Variants in DMXL2 observed in about 807,000 individuals in gnomAD.
DMXL2 encodes Dmx like 2.
DMXL2 carries 103 observed loss-of-function variants against 331.1 expected under a neutral mutation model. That is an observed-to-expected ratio of 0.31 (90% CI 0.27 to 0.37). The LOEUF (loss-of-function observed/expected upper bound fraction) is 0.37, where lower values mean the gene tolerates loss of function less well. Ranked by LOEUF, DMXL2 falls within the 10% of genes least tolerant of loss-of-function variation. The probability of loss-of-function intolerance (pLI) is 1.00; values close to 1 mark genes in which losing one functional copy is unlikely to be tolerated. For missense variants in DMXL2, 3,171 were observed against 3,642.9 expected (o/e 0.87, Z 3.33); for synonymous variants, 1,281 against 1,252.1 (o/e 1.02, Z -0.49).
intron 1 of DMXL2, among the ~76,000 whole-genome samples, chr15:51,599,672 T>C (rs2053088835): frequency 6.6e-6 from 1 of 152,170 alleles, no homozygotes; most frequent in Non-Finnish European, 1.5e-5. Flanking sequence ...TCTAATGCAA[T>C]TATATTGACA....
In DMXL2 at chr15:51,491,562, A is replaced by G. The variant is rs769663750; in HGVS notation, c.4953+16T>C. The stretch of plus-strand genomic sequence containing the variant: ...GTTTTTTTAATATAACTCAAAATCC[A>G]CTAAAGAAAAGTTACCTTTTCAATG... On this transcript the variant is annotated intron_variant, in intron 20 of 43. Transcript: ENST00000560891. The G allele has an allele frequency of 3.2e-6, 5 of 1,579,244 alleles. No homozygotes were observed. Among genetic ancestry groups the G allele is most frequent in the Admixed American group, 2.0e-5 (1 of 49,830 alleles).
chr15:51,578,131 CTCTT>C (rs965709655), intron 1 of DMXL2, among the ~76,000 whole-genome samples: 13 of 152,184 alleles, frequency 8.5e-5, no homozygotes, highest in Admixed American at 3.3e-4. Context: ...GGATCACTCT[CTCTT>C]TATCTTTGCA....
At chr15:51,507,629 CAGA>C (rs2046487216) in intron 15 of DMXL2, among the ~76,000 whole-genome samples, 1 of 151,966 alleles carries the variant, frequency 6.6e-6, no homozygotes, top group African/African-American at 2.4e-5. Flanking sequence ...AAAGCAGCAG[CAGA>C]AGAATGGGAG....
At chr15:51,451,502 T>C (rs139908622) in intron 42 of DMXL2, 143 bp downstream of exon 42, 166 of 650,520 alleles carry the variant, frequency 2.6e-4, no homozygotes, top group Middle Eastern at 1.3e-3. Context: ...TCCAAATTTT[T>C]AGTCATTCAT....
At chr15:51,466,060 TG>T in intron 30 of DMXL2, 123 bp downstream of exon 30, 2 of 882,202 alleles carry the variant, frequency 2.3e-6, no homozygotes, top group Non-Finnish European at 3.3e-6. Flanking sequence ...ATTTGTAACC[TG>T]GAAACATAAG....
chr15:51,460,474 T>A, intron 33 of DMXL2: 1 of 607,526 alleles, frequency 1.6e-6, no homozygotes, highest in Non-Finnish European at 2.1e-6. Context: ...CTATTTGTCT[T>A]AACTAGCTGA....
In DMXL2 at chr15:51,447,981, C is replaced by T. The variant is rs999091381; in HGVS notation, c.*1003G>A. 5 of 152,590 alleles carry T rather than the reference C, an allele frequency of 3.3e-5. No individual in the cohort carries two copies. The highest frequency in any genetic ancestry group is 9.7e-5 in the African/African-American group (4 of 41,428). 9.5% of individuals were successfully genotyped at this position (152,590 alleles called of 1,614,324 possible). A position where few individuals can be genotyped will look rare whatever the true frequency, so the allele number is the denominator to read the frequency against. Reference sequence around the variant, plus strand: ...ACAGACATTAGTTTCAGTATCTCAACATATTTTTGGTCATAACCAAGGAAA... The same window carrying T: ...ACAGACATTAGTTTCAGTATCTCAATATATTTTTGGTCATAACCAAGGAAA... On this transcript the variant is annotated 3_prime_UTR_variant, in exon 44 of 44. Coordinates refer to ENST00000560891, the MANE Select transcript of DMXL2 (RefSeq NM_001378457.1).
At chr15:51,511,133 G>A (rs952939592) in intron 15 of DMXL2, among the ~76,000 whole-genome samples, 1 of 152,124 alleles carries the variant, frequency 6.6e-6, no homozygotes, top group Non-Finnish European at 1.5e-5. Flanking sequence ...GCAGGCATGG[G>A]CAAAGCCTTC....
chr15:51,496,374 T>G (rs1474895648), intron 18 of DMXL2, among the ~76,000 whole-genome samples: 1 of 152,174 alleles, frequency 6.6e-6, no homozygotes, highest in East Asian at 1.9e-4. Flanking sequence ...TTTCATACAG[T>G]GTGGCCAGGA....
intron 2 of DMXL2, among the ~76,000 whole-genome samples, chr15:51,572,052 AG>A (rs2050704522): frequency 6.6e-6 from 1 of 152,198 alleles, no homozygotes; most frequent in African/African-American, 2.4e-5. Context: ...AGACTAATAA[AG>A]AAAAAAAGAG....
chr15:51,474,803 T>C (rs750103412), intron 27 of DMXL2, among the ~76,000 whole-genome samples: 12 of 152,104 alleles, frequency 7.9e-5, no homozygotes, highest in Non-Finnish European at 1.6e-4. Context: ...AATGAGTAGA[T>C]AAACAAAAGG....
At chr15:51,523,718 A>C (rs1198330988) in intron 13 of DMXL2, among the ~76,000 whole-genome samples, 1 of 152,226 alleles carries the variant, frequency 6.6e-6, no homozygotes, top group Non-Finnish European at 1.5e-5. Context: ...GCAATCTAGG[A>C]AGAGGCAAGG....
rs143486672 is a variant in DMXL2, at chr15:51,547,260, G to A, written c.716C>T (p.Ser239Leu). Residue 239 changes from serine to leucine, a missense_variant, in exon 7 of 44, where the codon TCG becomes TTG. Physicochemically the swap from Ser to Leu is moderately radical, Grantham distance 145 (BLOSUM62 -2). Around this residue, in one of 7 missense-constraint regions of DMXL2, gnomAD observed 1,674 missense variants for 1,780.2 expected, o/e 0.94. Transcript: ENST00000560891. ...CATATACTTGCTAGTTTTGCGCCAC[G>A]AAAAACCTGTCACAGCTCGGGGATG... is the stretch of plus-strand genomic sequence containing the variant. ...LAHPRAVTGFSWRKTSKYMPR... is the reference protein window; with the variant it reads ...LAHPRAVTGFLWRKTSKYMPR... 9 of 1,611,256 alleles carry A rather than the reference G, an allele frequency of 5.6e-6. No individual in the cohort carries two copies. The highest frequency in any genetic ancestry group is 1.3e-5 in the African/African-American group (1 of 74,754).
In DMXL2 at chr15:51,480,094, T is replaced by C; in HGVS notation, c.6610A>G (p.Thr2204Ala). The change falls in exon 25 of 44, where the codon ACC becomes GCC. Residue 2204 changes from threonine (T) to alanine (A), a missense_variant. Physicochemically the swap from Thr to Ala is moderately conservative, Grantham distance 58 (BLOSUM62 0). Coordinates refer to ENST00000560891, the MANE Select transcript of DMXL2 (RefSeq NM_001378457.1). Reference sequence around the variant, plus strand: ...ATACTTGCTGAAAGCAGAGGTAGGGTGGTAGGCAGTGGTAGTGGAGACTGG... The same window carrying C: ...ATACTTGCTGAAAGCAGAGGTAGGGCGGTAGGCAGTGGTAGTGGAGACTGG... ...QLQSPLPLPT[T>A]LPLLSASIAS... 1 of 1,590,094 alleles carries C rather than the reference T, an allele frequency of 6.3e-7. No individual in the cohort carries two copies. The highest frequency in any genetic ancestry group is 8.6e-7 in the Non-Finnish European group (1 of 1,161,694).
chr15:51,503,103 C>G (rs1393355528), intron 16 of DMXL2, 70 bp from the exon 17 acceptor site: 4 of 1,038,952 alleles, frequency 3.9e-6, no homozygotes, highest in Non-Finnish European at 5.6e-6. Flanking sequence ...TAGAATATTA[C>G]TTTGTTATTA....
intron 37 of DMXL2, 164 bp downstream of exon 37, chr15:51,457,164 C>G: frequency 1.3e-6 from 1 of 774,432 alleles, no homozygotes; most frequent in East Asian, 2.8e-5. Context: ...AGAGCCAGAC[C>G]CTGTCACCAA....
chr15:51,469,087 A>C (rs1551657), intron 29 of DMXL2, among the ~76,000 whole-genome samples: 28,378 of 152,206 alleles, frequency 0.19, 3,026 homozygotes, highest in Non-Finnish European at 0.24. Flanking sequence ...AAAAACATTT[A>C]AGATGCAACT....
Position 51,536,576 on chromosome 15 carries a change from G to A in DMXL2, c.1904C>T (p.Thr635Ile), listed in dbSNP as rs778038345. ...TTTGTGAGATACAGTTAGAACAGTG[G>A]TAAAGGCAGACTTATCAGCAAAAGT... Reference protein sequence around the residue: ...AVTFADKSAFTTVLTVSHKFR... With the variant: ...AVTFADKSAFITVLTVSHKFR... Residue 635 changes from threonine (T) to isoleucine (I), a missense_variant, in exon 12 of 44, where the codon ACC becomes ATC. Thr to Ile is a moderately conservative substitution (Grantham distance 89, BLOSUM62 -1). Coordinates refer to ENST00000560891, the MANE Select transcript of DMXL2 (RefSeq NM_001378457.1). 4 of 1,613,966 alleles carry A rather than the reference G, an allele frequency of 2.5e-6. No individual in the cohort carries two copies. Among genetic ancestry groups the A allele is most frequent in the Non-Finnish European group, 3.4e-6 (4 of 1,179,958 alleles).
At chr15:51,477,545 G>A (rs2041683280) in intron 26 of DMXL2, among the ~76,000 whole-genome samples, 1 of 151,860 alleles carries the variant, frequency 6.6e-6, no homozygotes, top group Non-Finnish European at 1.5e-5. Flanking sequence ...TTCTTTACTT[G>A]ATACCAAATG....
Sources: allele counts gnomAD v4.1 joint callset (sites outside exome capture counted in the v4.1 genomes callset), GRCh38; gene constraint gnomAD v4.1.1; regional missense constraint gnomAD v4.1.1; transcripts MANE v1.5; gene names NCBI Gene and HGNC (gene_info 2026-07-23, HGNC 2026-07-21).